Variants in MAST4 observed in about 807,000 individuals in gnomAD.
MAST4 encodes the protein microtubule associated serine/threonine kinase family member 4, also known as microtubule-associated serine/threonine-protein kinase 4.
In MAST4, 89 loss-of-function variants were observed where a neutral mutation model predicts 162.7. That is an observed-to-expected ratio of 0.55 (90% CI 0.46 to 0.65). MAST4 has a LOEUF of 0.65. MAST4 is among the 30% of genes least tolerant of loss of function. The probability of loss-of-function intolerance (pLI) is 0.00; values close to 1 mark genes in which losing one functional copy is unlikely to be tolerated. For missense variants in MAST4, 3,153 were observed against 3,374.0 expected (o/e 0.93, Z 1.62); for synonymous variants, 1,479 against 1,361.1 (o/e 1.09, Z -1.91).
intron 4 of MAST4, among the ~76,000 whole-genome samples, chr5:66,967,224 GAC>G (rs1315720426): frequency 2.6e-5 from 4 of 152,200 alleles, no homozygotes; most frequent in African/African-American, 9.6e-5. Flanking sequence ...TTGAGGTGAT[GAC>G]ACACAGAGTT....
rs1015680679 is a variant in MAST4, at chr5:66,808,812, A to G, written c.642+20018A>G. 3.9e-4 allele frequency among the ~76,000 whole-genome samples: 60 copies of G among 152,168 alleles called. 1 individual carries two copies. The highest frequency in any genetic ancestry group is 7.5e-4 in the Non-Finnish European group (51 of 68,044). On this transcript the variant is annotated intron_variant, in intron 3 of 28. Transcript: ENST00000403625. The stretch of plus-strand genomic sequence containing the variant: ...GGTGGAATCGTGTTCAGGTGATTTA[A>G]ACAAAATCTGGAGCAGCTCAGGAGG...
At chr5:66,683,413 G>A (rs556574620) in intron 1 of MAST4, among the ~76,000 whole-genome samples, 1 of 152,214 alleles carries the variant, frequency 6.6e-6, no homozygotes, top group Non-Finnish European at 1.5e-5. Flanking sequence ...GTGTTTCCCA[G>A]ATTAACCTAG....
chr5:66,609,655 G>A (rs1338750261), intron 1 of MAST4, among the ~76,000 whole-genome samples: 1 of 150,604 alleles, frequency 6.6e-6, no homozygotes, highest in Non-Finnish European at 1.5e-5. Flanking sequence ...CCAAAGTGCA[G>A]GGATTACAGG....
Position 66,871,258 on chromosome 5 carries a change from A to G in MAST4, c.643-28693A>G, listed in dbSNP as rs141898102. 4.5e-3 allele frequency among the ~76,000 whole-genome samples: 691 copies of G among 152,248 alleles called. 9 individuals are homozygous for G. The highest frequency in any genetic ancestry group is 4.0e-3 in the Non-Finnish European group (271 of 68,024). On this transcript the variant is annotated intron_variant, in intron 3 of 28. Coordinates refer to ENST00000403625, the MANE Select transcript of MAST4 (RefSeq NM_001164664.2). ...ATGTAAACCCTCTTAAAATGTAGCAAACTACATAGGAAGTGTATCAGTTTT... is the reference window on the plus strand; with the variant it reads ...ATGTAAACCCTCTTAAAATGTAGCAGACTACATAGGAAGTGTATCAGTTTT...
intron 4 of MAST4, among the ~76,000 whole-genome samples, chr5:66,973,430 C>T (rs1309046089): frequency 6.6e-6 from 1 of 152,064 alleles, no homozygotes; most frequent in Non-Finnish European, 1.5e-5. Flanking sequence ...TTCTGTTGAA[C>T]ATCCCACAAT....
At chr5:66,933,373 T>C (rs1042536640) in intron 4 of MAST4, among the ~76,000 whole-genome samples, 40 of 152,206 alleles carry the variant, frequency 2.6e-4, no homozygotes, top group African/African-American at 9.4e-4. Context: ...TGTTCTACAT[T>C]CTTTTATTGC....
intron 3 of MAST4, among the ~76,000 whole-genome samples, chr5:66,854,840 G>C (rs1313250397): frequency 6.6e-6 from 1 of 151,962 alleles, no homozygotes; most frequent in East Asian, 1.9e-4. Context: ...AAAAAGATGT[G>C]AGCTGGGAGC....
At chr5:66,996,572 AG>A (rs1750683223) in intron 4 of MAST4, among the ~76,000 whole-genome samples, 1 of 152,202 alleles carries the variant, frequency 6.6e-6, no homozygotes, top group Non-Finnish European at 1.5e-5. Flanking sequence ...GCTGAAATCA[AG>A]GTGTCGGCTG....
intron 5 of MAST4, among the ~76,000 whole-genome samples, chr5:67,086,131 A>G (rs1308064116): frequency 6.6e-6 from 1 of 152,232 alleles, no homozygotes. Flanking sequence ...GACAACAAAG[A>G]TTCAAATGGG....
intron 5 of MAST4, among the ~76,000 whole-genome samples, chr5:67,084,277 T>C (rs1374321508): frequency 6.6e-6 from 1 of 152,200 alleles, no homozygotes; most frequent in African/African-American, 2.4e-5. Context: ...TGTATACTGT[T>C]GTCACTGGCA....
chr5:67,052,110 A>G (rs1383907088), intron 4 of MAST4, among the ~76,000 whole-genome samples: 1 of 152,158 alleles, frequency 6.6e-6, no homozygotes, highest in Non-Finnish European at 1.5e-5. Context: ...TAAATATGGT[A>G]AACTGTTCAA....
At chr5:66,803,690 A>C (rs980707831) in intron 3 of MAST4, among the ~76,000 whole-genome samples, 5 of 152,188 alleles carry the variant, frequency 3.3e-5, no homozygotes, top group African/African-American at 1.2e-4. Flanking sequence ...AATTAAGATT[A>C]CTAATTTATA....
At chr5:66,789,733 T>G (rs373876419) in intron 3 of MAST4, 2 of 518,846 alleles carry the variant, frequency 3.9e-6, no homozygotes, top group African/African-American at 3.8e-5. Flanking sequence ...TCCACTGTAG[T>G]TACCACTTTC....
intron 1 of MAST4, among the ~76,000 whole-genome samples, chr5:66,614,173 C>G (rs79566264): frequency 0.018 from 2,789 of 152,230 alleles, 75 homozygotes; most frequent in African/African-American, 0.061. Context: ...TTCCCTGGCC[C>G]GGAACATCTT....
At chr5:67,020,392 TATC>T (rs142488841) in intron 4 of MAST4, among the ~76,000 whole-genome samples, 59 of 152,362 alleles carry the variant, frequency 3.9e-4, no homozygotes, top group African/African-American at 1.4e-3. Flanking sequence ...TCTGCCACAT[TATC>T]ATACAGAATT....
At chr5:67,039,825 G>A (rs1228078800) in intron 4 of MAST4, among the ~76,000 whole-genome samples, 2 of 152,132 alleles carry the variant, frequency 1.3e-5, no homozygotes, top group African/African-American at 2.4e-5. Context: ...GATAGTAATG[G>A]TGGAAGATAC....
intron 4 of MAST4, chr5:66,902,778 G>C (rs1045106711): frequency 3.6e-5 from 16 of 442,240 alleles, no homozygotes; most frequent in Admixed American, 1.2e-4. Context: ...CAGCTTCCTA[G>C]ACAGCTGGAT....
Position 66,788,794 on chromosome 5 carries a change from G to T in MAST4, c.642G>T (p.Leu214=). Residue 214 remains leucine (L), a splice_region_variant and synonymous_variant, in exon 3 of 29, where the codon CTG becomes CTT. Transcript: ENST00000403625. The part of the protein sequence containing the change: ...GQSAPSLTAS[L]KELSLPRRGS... Reference sequence around the variant, plus strand: ...CGGCGCCCTCGCTCACCGCCAGCCTGGTGAGTGTCCGCGGGCGCCGGTGGA... The same window carrying T: ...CGGCGCCCTCGCTCACCGCCAGCCTTGTGAGTGTCCGCGGGCGCCGGTGGA... 1 of 1,574,520 alleles carries T rather than the reference G, an allele frequency of 6.4e-7. No individual in the cohort carries two copies. The highest frequency in any genetic ancestry group is 8.6e-7 in the Non-Finnish European group (1 of 1,161,544).
rs576417793 is a variant in MAST4, at chr5:66,692,210, C to T, written c.364-67499C>T. On this transcript the variant is annotated intron_variant, in intron 1 of 28. Transcript: ENST00000403625. Reference sequence around the variant, plus strand: ...TCTCTCGACCTCTTAGGTGTTCAATCGCATGGTAAGAGAAGCATCCCAAGA... The same window carrying T: ...TCTCTCGACCTCTTAGGTGTTCAATTGCATGGTAAGAGAAGCATCCCAAGA... Among the ~76,000 whole-genome samples, 8 of 152,244 alleles carry T rather than the reference C, an allele frequency of 5.3e-5. No individual in the cohort carries two copies. In the East Asian group the frequency reaches 5.8e-4, roughly 11 times the overall value.
Sources: gnomAD v4.1 joint callset for allele counts (sites outside exome capture counted in the v4.1 genomes callset) on GRCh38, gnomAD v4.1.1 for gene constraint, MANE v1.5 for transcripts, NCBI Gene and HGNC (gene_info 2026-07-23, HGNC 2026-07-21) for gene names.